SLC39A8: variants seen among roughly 807,000 people sequenced by gnomAD.
SLC39A8 encodes metal cation symporter ZIP8.
SLC39A8 carries 15 observed loss-of-function variants against 40.4 expected under a neutral mutation model. That is an observed-to-expected ratio of 0.37 (90% CI 0.25 to 0.57). SLC39A8 has a LOEUF of 0.57. Ranked by LOEUF, SLC39A8 falls within the 20% of genes least tolerant of loss-of-function variation. The pLI, the probability that SLC39A8 is intolerant of heterozygous loss-of-function variation, is 0.75. For synonymous variants in SLC39A8, 223 were observed against 221.6 expected, an observed-to-expected ratio of 1.01 and a Z score of -0.06; for missense variants, 472 against 558.8, an observed-to-expected ratio of 0.84 and a Z score of 1.57.
At chr4:102,255,934 G>A (rs989924715) in intron 11 of SLC39A8, among the ~76,000 whole-genome samples, 3 of 152,112 alleles carry the variant, frequency 2.0e-5, no homozygotes, top group African/African-American at 7.2e-5. Flanking sequence ...TTTCTCACGT[G>A]CATCCTTCTA....
At chr4:102,267,708 G>GTTTTTTTT in intron 7 of SLC39A8, 34 bp from the exon 8 acceptor site, 1 of 1,409,846 alleles carries the variant, frequency 7.1e-7, no homozygotes, top group South Asian at 1.4e-5. Context: ...CAAGTGAATA[G>GTTTTTTTT]TTTTTTTTTT....
exon 12 of SLC39A8, chr4:102,253,293 C>A (rs1731635073): frequency 2.0e-6 from 1 of 491,858 alleles, no homozygotes; most frequent in Admixed American, 3.6e-5. Flanking sequence ...TTTTGAGAAA[C>A]TTCACAGCAC....
intron 6 of SLC39A8, among the ~76,000 whole-genome samples, chr4:102,295,938 C>T (rs1225371414): frequency 6.6e-6 from 1 of 152,082 alleles, no homozygotes; most frequent in Non-Finnish European, 1.5e-5. Flanking sequence ...CCTTCCTTGG[C>T]AAGTGGCTCT....
downstream of SLC39A8, chr4:102,259,420 G>A (rs866604847): frequency 1.4e-6 from 2 of 1,395,236 alleles, no homozygotes; most frequent in Middle Eastern, 3.5e-4. Context: ...AAACATGCAA[G>A]CCCACCCATT....
Position 102,307,720 on chromosome 4 carries a change from T to C in SLC39A8, c.383-115A>G, listed in dbSNP as rs1734248733. On this transcript the variant is annotated intron_variant, in intron 3 of 8. Coordinates refer to ENST00000356736, the MANE Select transcript of SLC39A8 (RefSeq NM_001135146.2). Reference sequence around the variant, plus strand: ...AAAAGCTTAAGACACATATCTTCTTTAAAAGAACAAAATCTACTCAATGAA... The same window carrying C: ...AAAAGCTTAAGACACATATCTTCTTCAAAAGAACAAAATCTACTCAATGAA... 28 of 1,004,682 alleles carry C rather than the reference T, an allele frequency of 2.8e-5. No individual in the cohort carries two copies. The South Asian group carries it at 3.9e-4, about 14-fold the overall frequency. 62.2% of individuals were successfully genotyped at this position (1,004,682 alleles called of 1,614,324 possible).
chr4:102,324,792 G>A (rs1735124465), intron 2 of SLC39A8, among the ~76,000 whole-genome samples: 1 of 152,154 alleles, frequency 6.6e-6, no homozygotes, highest in East Asian at 1.9e-4. Context: ...TCCCAAGAGA[G>A]CAATTGAAAT....
chr4:102,296,411 G>C (rs368214009), intron 6 of SLC39A8, among the ~76,000 whole-genome samples: 1 of 152,008 alleles, frequency 6.6e-6, no homozygotes, highest in Non-Finnish European at 1.5e-5. Context: ...GAAGTGATGC[G>C]ACTTGATGAC....
At chr4:102,278,965 G>A (rs1732752498) in intron 6 of SLC39A8, among the ~76,000 whole-genome samples, 2 of 151,730 alleles carry the variant, frequency 1.3e-5, no homozygotes, top group South Asian at 4.2e-4. Flanking sequence ...CGGGCACAGG[G>A]AGGGAAACAT....
At chr4:102,282,141 C>T (rs1343233607) in intron 6 of SLC39A8, among the ~76,000 whole-genome samples, 2 of 152,112 alleles carry the variant, frequency 1.3e-5, no homozygotes, top group Admixed American at 6.6e-5. Context: ...AGGATTTGAG[C>T]CTCCATGCCA....
chr4:102,316,635 A>G (rs1010570051), intron 2 of SLC39A8, among the ~76,000 whole-genome samples: 14 of 152,174 alleles, frequency 9.2e-5, no homozygotes, highest in African/African-American at 3.1e-4. Context: ...ATAGTGTGAA[A>G]AATATCCATT....
At position 102,316,025 on chromosome 4, in the gene SLC39A8, GA is replaced by G. The variant is rs56764903; in HGVS notation, c.220-196del. ...TTTAAACCTAGAAACAAGAAAAATAGAAAAAAAAAAATCCCTTCTTAATCAA... is the reference window on the plus strand; with the variant it reads ...TTTAAACCTAGAAACAAGAAAAATAGAAAAAAAAAATCCCTTCTTAATCAA... On this transcript the variant is annotated intron_variant, in intron 2 of 8. Transcript: ENST00000356736. Among the ~76,000 whole-genome samples, 1,285 of 145,422 alleles carry G rather than the reference GA, an allele frequency of 8.8e-3. 14 individuals carry two copies. Among genetic ancestry groups the G allele is most frequent in the African/African-American group, 0.027 (1,056 of 39,732 alleles).
At chr4:102,303,377 T>C (rs971752) in intron 6 of SLC39A8, among the ~76,000 whole-genome samples, 25,212 of 151,876 alleles carry the variant, frequency 0.17, 2,119 homozygotes, top group Middle Eastern at 0.24. Flanking sequence ...CTTAGATTAG[T>C]CTAGAAGTGA....
At chr4:102,309,779 C>G (rs1734346266) in intron 3 of SLC39A8, among the ~76,000 whole-genome samples, 1 of 152,140 alleles carries the variant, frequency 6.6e-6, no homozygotes, top group Admixed American at 6.5e-5. Context: ...ACATAAATAA[C>G]AGGAACAGTA....
Position 102,262,818 on chromosome 4 carries a change from G to T in SLC39A8, c.*226C>A, listed in dbSNP as rs1731923638. ...ACTGAAAAATAGGTATTTCCCAAAGGCTCCTATATACCAGGCATCTCAGAC... is the reference window on the plus strand; with the variant it reads ...ACTGAAAAATAGGTATTTCCCAAAGTCTCCTATATACCAGGCATCTCAGAC... On this transcript the variant is annotated 3_prime_UTR_variant, in exon 9 of 9. Transcript: ENST00000356736. The T allele has an allele frequency of 4.7e-6, 6 of 1,284,508 alleles. No individual in the cohort carries two copies. In the South Asian group the frequency reaches 1.2e-4, roughly 25 times the overall value. 79.6% of individuals were successfully genotyped at this position (1,284,508 alleles called of 1,614,324 possible). A position where few individuals can be genotyped will look rare whatever the true frequency, so the allele number is the denominator to read the frequency against.
intron 8 of SLC39A8, 37 bp from the exon 9 acceptor site, chr4:102,263,230 T>C (rs748163098): frequency 5.8e-5 from 92 of 1,582,368 alleles, no homozygotes; most frequent in Non-Finnish European, 7.8e-5. Flanking sequence ...ACTGTTGCCA[T>C]CTTGTGGCAA....
intron 6 of SLC39A8, among the ~76,000 whole-genome samples, chr4:102,285,143 TAAC>T (rs1229144915): frequency 6.6e-6 from 1 of 152,138 alleles, no homozygotes; most frequent in African/African-American, 2.4e-5. Flanking sequence ...TGATACCTGA[TAAC>T]AAATAAAAAG....
At chr4:102,270,969 T>G (rs1721266372) in intron 6 of SLC39A8, among the ~76,000 whole-genome samples, 1 of 151,676 alleles carries the variant, frequency 6.6e-6, no homozygotes, top group African/African-American at 2.4e-5. Flanking sequence ...AGGAGAAAGT[T>G]GTAGAGGATG....
intron 6 of SLC39A8, among the ~76,000 whole-genome samples, chr4:102,283,627 T>A (rs755623354): frequency 6.7e-6 from 1 of 148,570 alleles, no homozygotes; most frequent in African/African-American, 2.4e-5. Context: ...CCACTACATA[T>A]AATCTACTGT....
In SLC39A8 at chr4:102,262,703, A is replaced by G; in HGVS notation, c.*341T>C. On this transcript the variant is annotated 3_prime_UTR_variant, in exon 9 of 9. Transcript: ENST00000356736. The stretch of plus-strand genomic sequence containing the variant: ...ATAGAGTTTTAAAGGCTTTCAGGAT[A>G]TAACTTGTATTTTCCCCTGAGTCTG... The G allele has an allele frequency of 3.0e-6, 3 of 1,010,322 alleles. No homozygotes were observed. Among genetic ancestry groups the G allele is most frequent in the Non-Finnish European group, 3.5e-6 (3 of 846,368 alleles). 62.6% of individuals were successfully genotyped at this position (1,010,322 alleles called of 1,614,324 possible). A position where few individuals can be genotyped will look rare whatever the true frequency, so the allele number is the denominator to read the frequency against.
Sources: gnomAD v4.1 joint callset for allele counts (sites outside exome capture counted in the v4.1 genomes callset) on GRCh38, gnomAD v4.1.1 for gene constraint, MANE v1.5 for transcripts, NCBI Gene and HGNC (gene_info 2026-07-23, HGNC 2026-07-21) for gene names.